Variants in ZNF530 observed in about 807,000 individuals in gnomAD.
ZNF530 encodes the protein zinc finger protein 530.
Under a neutral mutation model 2.8 loss-of-function variants are expected in ZNF530, and 5 were observed. The ratio of observed to expected loss-of-function variants is 1.80; its 90% confidence interval spans 0.94 to 3.78. The LOEUF (loss-of-function observed/expected upper bound fraction) is 3.78. Among genes scored for constraint, ZNF530 ranks in the 30% most tolerant of loss-of-function variants. ZNF530 has a pLI of 0.00. For missense variants in ZNF530, 619 were observed against 673.3 expected (o/e 0.92, Z 0.89); for synonymous variants, 229 against 235.0 (o/e 0.97, Z 0.23).
At chr19:57,605,142 C>T (rs186875587) in intron 3 of ZNF530, 3 of 152,972 alleles carry the variant, frequency 2.0e-5, no homozygotes, top group East Asian at 3.9e-4. Context: ...TATATCATTT[C>T]TCTCTTTTTT....
At position 57,600,051 on chromosome 19, in the gene ZNF530, T is replaced by C. The variant is rs1980140965; in HGVS notation, c.-205T>C. On this transcript the variant is annotated 5_prime_UTR_variant, in exon 1 of 4. Coordinates refer to ENST00000597700, the MANE Select transcript of ZNF530 (RefSeq NM_001321981.2). ...TCGCCGGCGGTGGTGACAGCTTTGCTCTTGTCTCCGCCCGGATCGTCCACC... is the reference window on the plus strand; with the variant it reads ...TCGCCGGCGGTGGTGACAGCTTTGCCCTTGTCTCCGCCCGGATCGTCCACC... 1 of 1,499,464 alleles carries C rather than the reference T, an allele frequency of 6.7e-7. No homozygotes were observed. The highest frequency in any genetic ancestry group is 1.3e-5 in the South Asian group (1 of 79,932). 92.9% of individuals were successfully genotyped at this position (1,499,464 alleles called of 1,614,324 possible).
intron 1 of ZNF530, 78 bp downstream of exon 1, chr19:57,600,212 C>G (rs1430850578): frequency 1.3e-6 from 2 of 1,492,630 alleles, no homozygotes; most frequent in Non-Finnish European, 1.8e-6. Context: ...TTCTGCAGCC[C>G]GGACCGCACT....
chr19:57,604,072 A>G (rs1156310716), intron 2 of ZNF530, among the ~76,000 whole-genome samples: 1 of 152,170 alleles, frequency 6.6e-6, no homozygotes, highest in South Asian at 2.1e-4. Flanking sequence ...TGTGGTTTCT[A>G]TCTGTCCACC....
chr19:57,610,481 GCATGTTGATTA>G (rs2123470313), downstream of ZNF530, among the ~76,000 whole-genome samples: 1 of 151,616 alleles, frequency 6.6e-6, no homozygotes, highest in Admixed American at 6.6e-5. Context: ...GCAGTACATT[GCATGTTGATTA>G]CACCTCAATG....
rs565435938 is a variant in ZNF530 at position 57,609,807 on chromosome 19, CAA to C, written c.*2493_*2494del. On this transcript the variant is annotated 3_prime_UTR_variant, in exon 4 of 4. Transcript: ENST00000597700. ...TACTTCAAGGCCATTGCTGCACAGA[CAA>C]AAAAAAAAAAGGATGAAGTCAAGAG... 2.9e-5 allele frequency among the ~76,000 whole-genome samples: 4 copies of C among 135,930 alleles called. No individual in the cohort carries two copies. Among genetic ancestry groups the C allele is most frequent in the Admixed American group, 7.5e-5 (1 of 13,414 alleles). The allele number at this position is 135,930 out of a possible 152,430, so 89.2% of individuals were successfully genotyped here. A position where few individuals can be genotyped will look rare whatever the true frequency, so the allele number is the denominator to read the frequency against.
rs1398433633 is a variant in ZNF530 at position 57,606,700 on chromosome 19, T to G, written c.1076T>G (p.Ile359Ser). 5.0e-6 allele frequency: 8 copies of G among 1,610,966 alleles called. No homozygotes were observed. In the East Asian group the frequency reaches 1.6e-4, roughly 32 times the overall value. The change falls in exon 4 of 4, where the codon ATC becomes AGC. Residue 359 changes from isoleucine (I) to serine (S), a missense_variant. Physicochemically the swap from Ile to Ser is moderately radical, Grantham distance 142. Coordinates refer to ENST00000597700, the MANE Select transcript of ZNF530 (RefSeq NM_001321981.2). Reference protein sequence around the residue: ...SECGKAFSCNIYLIHHQRFHT... With the variant: ...SECGKAFSCNSYLIHHQRFHT... Reference sequence around the variant, plus strand: ...TGTGGGAAAGCATTTAGTTGCAATATCTACCTTATTCACCACCAAAGATTT... The same window carrying G: ...TGTGGGAAAGCATTTAGTTGCAATAGCTACCTTATTCACCACCAAAGATTT...
rs1980387052 is a variant in ZNF530, at chr19:57,604,257, A to G, written c.-69-20A>G. On this transcript the variant is annotated intron_variant, in intron 2 of 3. Coordinates refer to ENST00000597700, the MANE Select transcript of ZNF530 (RefSeq NM_001321981.2). ...TCCTAGGAAAGATGCTGACCATGGA[A>G]TGAACTGTCCCCATCATAGCAGGTT... The G allele has an allele frequency of 6.2e-7, 1 of 1,613,774 alleles. No homozygotes were observed. The highest frequency in any genetic ancestry group is 8.5e-7 in the Non-Finnish European group (1 of 1,179,788).
rs905190349 is a variant in ZNF530, at chr19:57,609,955, G to A, written c.*2630G>A. The stretch of plus-strand genomic sequence containing the variant: ...ACTGAAGCAGGTCTGCCTCTACGTG[G>A]CCTGGGGAGCTAGATGGTAGAGTCA... On this transcript the variant is annotated 3_prime_UTR_variant, in exon 4 of 4. Transcript: ENST00000597700. 6.6e-6 allele frequency among the ~76,000 whole-genome samples: 1 copy of A among 152,090 alleles called. No individual in the cohort carries two copies. Among genetic ancestry groups the A allele is most frequent in the East Asian group, 1.9e-4 (1 of 5,196 alleles).
At chr19:57,605,131 A>G (rs1163343179) in intron 3 of ZNF530, 1 of 152,998 alleles carries the variant, frequency 6.5e-6, no homozygotes, top group African/African-American at 2.4e-5. Context: ...TCCATAGGAC[A>G]TATATCATTT....
Position 57,607,939 on chromosome 19 carries a change from C to G in ZNF530, c.*614C>G, listed in dbSNP as rs1406188489. On this transcript the variant is annotated 3_prime_UTR_variant, in exon 4 of 4. Transcript: ENST00000597700. The stretch of plus-strand genomic sequence containing the variant: ...GCTGAAGCCTTTTCATCACTACCCG[C>G]TGGGAGACCCACAGAGTGTGCATCA... The G allele has an allele frequency of 1.3e-5, 2 of 154,536 alleles. No homozygotes were observed. The highest frequency in any genetic ancestry group is 4.8e-5 in the African/African-American group (2 of 41,454). 9.6% of individuals were successfully genotyped at this position (154,536 alleles called of 1,614,324 possible).
At position 57,605,656 on chromosome 19, in the gene ZNF530, T is replaced by G. The variant is rs368341724; in HGVS notation, c.62-30T>G. ...GTAACTTCTCACACCATAGTAAATC[T>G]GTGTTTTCTCAGCATTTCTCTTCTT... On this transcript the variant is annotated intron_variant, in intron 3 of 3. Coordinates refer to ENST00000597700, the MANE Select transcript of ZNF530 (RefSeq NM_001321981.2). 690 of 1,558,052 alleles carry G rather than the reference T, an allele frequency of 4.4e-4. 2 individuals are homozygous for G. Among genetic ancestry groups the G allele is most frequent in the Non-Finnish European group, 5.7e-4 (660 of 1,150,974 alleles).
chr19:57,611,280 TTTAGAG>T (rs1204947402), downstream of ZNF530, among the ~76,000 whole-genome samples: 12 of 152,248 alleles, frequency 7.9e-5, no homozygotes, highest in African/African-American at 2.9e-4. Flanking sequence ...ATTAAAATGT[TTTAGAG>T]TAGGAGTGAA....
In ZNF530 at chr19:57,606,292, G is replaced by A. The variant is rs749753599; in HGVS notation, c.668G>A (p.Arg223Gln). The change falls in exon 4 of 4, where the codon CGA becomes CAA. Residue 223 changes from arginine (R) to glutamine (Q), a missense_variant. Transcript: ENST00000597700. Reference protein sequence around the residue: ...KSFSQSSGFLRHRKAHGRTRT... With the variant: ...KSFSQSSGFLQHRKAHGRTRT... Reference sequence around the variant, plus strand: ...TTTAGTCAAAGTTCTGGCTTTCTTCGACACAGGAAAGCACACGGTAGAACA... The same window carrying A: ...TTTAGTCAAAGTTCTGGCTTTCTTCAACACAGGAAAGCACACGGTAGAACA... The A allele has an allele frequency of 1.3e-5, 21 of 1,613,956 alleles. No individual in the cohort carries two copies. The highest frequency in any genetic ancestry group is 1.6e-4 in the Middle Eastern group (1 of 6,062).
rs1254730508 is a variant in ZNF530 at position 57,608,837 on chromosome 19, C to G, written c.*1512C>G. 1 of 152,130 alleles carries G rather than the reference C, an allele frequency of 6.6e-6. No individual in the cohort carries two copies. The highest frequency in any genetic ancestry group is 1.5e-5 in the Non-Finnish European group (1 of 68,056). The allele number at this position is 152,130 out of a possible 1,614,324, so 9.4% of individuals were successfully genotyped here. ...GGCGCAGTGGCTCACACCTTTAATC[C>G]TAGCACTTTGGGAGGCTGAGGTGGG... On this transcript the variant is annotated 3_prime_UTR_variant, in exon 4 of 4. Transcript: ENST00000597700.
intron 2 of ZNF530, among the ~76,000 whole-genome samples, chr19:57,603,998 G>C (rs1158294288): frequency 6.6e-6 from 1 of 152,190 alleles, no homozygotes; most frequent in Non-Finnish European, 1.5e-5. Context: ...TGTGAACCCA[G>C]ACCTTCAGTT....
chr19:57,605,891 A>C lies in ZNF530; in HGVS notation c.267A>C (p.Gly89=). 1 of 1,614,216 alleles carries C rather than the reference A, an allele frequency of 6.2e-7. No homozygotes were observed. The highest frequency in any genetic ancestry group is 8.5e-7 in the Non-Finnish European group (1 of 1,180,028). ...SPCGQKLYLG[G]ASRDFWMSSN... is the part of the protein sequence containing the mutation. The stretch of plus-strand genomic sequence containing the variant: ...GTGGACAGAAATTGTACTTGGGTGG[A>C]GCATCAAGAGATTTCTGGATGAGTT... Residue 89 remains glycine, a synonymous_variant, in exon 4 of 4, where the codon GGA becomes GGC. Coordinates refer to ENST00000597700, the MANE Select transcript of ZNF530 (RefSeq NM_001321981.2).
In ZNF530 at chr19:57,609,613, C is replaced by A. The variant is rs1980784223; in HGVS notation, c.*2288C>A. ...TCGCACCATTGCACTTCGGCCTGGG[C>A]AACAACAGCGAAACTCTGTCTCAAA... On this transcript the variant is annotated 3_prime_UTR_variant, in exon 4 of 4. Transcript: ENST00000597700. 6.6e-6 allele frequency among the ~76,000 whole-genome samples: 1 copy of A among 152,148 alleles called. No homozygotes were observed. Among genetic ancestry groups the A allele is most frequent in the East Asian group, 1.9e-4 (1 of 5,196 alleles).
chr19:57,605,817 C>T lies in ZNF530; in HGVS notation c.193C>T (p.Pro65Ser), dbSNP rs767823307. ...DKSHPCEICTPVLRDILQMIE... is the reference protein window; with the variant it reads ...DKSHPCEICTSVLRDILQMIE... ...GAGTCACCCCTGTGAGATTTGTACC[C>T]CAGTCCTGAGAGACATTTTACAAAT... is the stretch of plus-strand genomic sequence containing the variant. Residue 65 changes from proline to serine, a missense_variant, in exon 4 of 4, where the codon CCA (proline) becomes TCA (serine). Coordinates refer to ENST00000597700, the MANE Select transcript of ZNF530 (RefSeq NM_001321981.2). 26 of 1,614,042 alleles carry T rather than the reference C, an allele frequency of 1.6e-5. No homozygotes were observed. Among genetic ancestry groups the T allele is most frequent in the Admixed American group, 5.0e-5 (3 of 60,000 alleles).
In ZNF530 at chr19:57,607,179, T is replaced by C. The variant is rs530283464; in HGVS notation, c.1555T>C (p.Cys519Arg). ...TGERPYECRE[C>R]GKSFTRKNHL... ...AGAAAGGCCTTATGAGTGCAGAGAA[T>C]GTGGGAAATCTTTTACCCGCAAAAA... The change falls in exon 4 of 4, where the codon TGT becomes CGT. Residue 519 changes from cysteine to arginine, a missense_variant. Transcript: ENST00000597700. The C allele has an allele frequency of 8.1e-6, 13 of 1,614,126 alleles. No homozygotes were observed. In the East Asian group the frequency reaches 2.5e-4, roughly 30 times the overall value.
Sources: allele counts gnomAD v4.1 joint callset (sites outside exome capture counted in the v4.1 genomes callset), GRCh38; gene constraint gnomAD v4.1.1; transcripts MANE v1.5; gene names NCBI Gene and HGNC (gene_info 2026-07-23, HGNC 2026-07-21).